Variants in ATXN10 observed in about 807,000 individuals in gnomAD.
ATXN10 encodes the protein ataxin 10, also known as ataxin-10.
A neutral mutation model predicts 52.9 loss-of-function variants in ATXN10; 28 were observed. The observed-to-expected ratio is 0.53, with a 90% confidence interval of 0.39 to 0.73. The LOEUF (loss-of-function observed/expected upper bound fraction) is 0.73, where lower values mean the gene tolerates loss of function less well. Ranked by LOEUF, ATXN10 falls within the 30% of genes least tolerant of loss-of-function variation. The pLI is 0.00. For synonymous variants in ATXN10, 226 were observed against 221.5 expected (o/e 1.02, Z -0.18); for missense variants, 565 against 577.0 (o/e 0.98, Z 0.21).
chr22:45,834,416 G>A (rs564410661), intron 10 of ATXN10, among the ~76,000 whole-genome samples: 1 of 152,170 alleles, frequency 6.6e-6, no homozygotes, highest in African/African-American at 2.4e-5. Context: ...CACCATCTGG[G>A]CAGTGAAGCT....
In ATXN10 at chr22:45,789,422, G is replaced by A. The variant is rs1327484861; in HGVS notation, c.1174-17537G>A. Among the ~76,000 whole-genome samples the A allele has an allele frequency of 6.6e-6, 1 of 152,090 alleles. No individual in the cohort carries two copies. Among genetic ancestry groups the A allele is most frequent in the Non-Finnish European group, 1.5e-5 (1 of 68,024 alleles). On this transcript the variant is annotated intron_variant, in intron 9 of 11. Coordinates refer to ENST00000252934, the MANE Select transcript of ATXN10 (RefSeq NM_013236.4). The surrounding 1 kb of genome is among the most constrained non-coding windows in gnomAD (Gnocchi z 4.0). ...TCTCGGGACCGGGCAAGGGATGCAA[G>A]GATGAGTGGAAACATGGCTCTTGTC...
chr22:45,698,288 C>T (rs1236155405), intron 3 of ATXN10, among the ~76,000 whole-genome samples: 1 of 152,176 alleles, frequency 6.6e-6, no homozygotes, highest in African/African-American at 2.4e-5. Context: ...TTTCTTGCAT[C>T]CTTGCTGACT....
Position 45,843,275 on chromosome 22 carries a change from G to A in ATXN10, c.1425+97G>A. 2 of 1,338,824 alleles carry A rather than the reference G, an allele frequency of 1.5e-6. No homozygotes were observed. The highest frequency in any genetic ancestry group is 2.1e-6 in the Non-Finnish European group (2 of 941,926). The allele number at this position is 1,338,824 out of a possible 1,614,324, so 82.9% of individuals were successfully genotyped here. On this transcript the variant is annotated intron_variant, in intron 11 of 11. Transcript: ENST00000252934. The surrounding 1 kb of genome is among the most constrained non-coding windows in gnomAD (Gnocchi z 4.5). ...AGCACGAGGCTCTTTGTAAGAATAT[G>A]GATGGGAGAATTGTGCCCTCTATAG... is the stretch of plus-strand genomic sequence containing the variant.
chr22:45,672,333 G>C, intron 1 of ATXN10, 154 bp downstream of exon 1: 1 of 834,006 alleles, frequency 1.2e-6, no homozygotes. Flanking sequence ...CAGGCCTCCC[G>C]ACTCCCAGGC....
rs187961181 is a variant in ATXN10 at position 45,789,362 on chromosome 22, G to T, written c.1174-17597G>T. Among the ~76,000 whole-genome samples the T allele has an allele frequency of 2.3e-3, 354 of 152,254 alleles. 3 individuals carry two copies. Among genetic ancestry groups the T allele is most frequent in the African/African-American group, 8.2e-3 (342 of 41,558 alleles). ...GAAGGTGAGCTTTTGCTTCTCACGC[G>T]CATATATTTTTTTTCCGCAAATCAT... On this transcript the variant is annotated intron_variant, in intron 9 of 11. Transcript: ENST00000252934. This position sits in a 1 kb window ranked among gnomAD's most constrained non-coding sequence, Gnocchi z 4.0.
At chr22:45,686,999 C>T (rs1257293580) in intron 1 of ATXN10, among the ~76,000 whole-genome samples, 1 of 152,044 alleles carries the variant, frequency 6.6e-6, no homozygotes, top group Non-Finnish European at 1.5e-5. Flanking sequence ...ATCACAGCTC[C>T]ACATTATTTT....
intron 9 of ATXN10, among the ~76,000 whole-genome samples, chr22:45,761,249 T>G (rs1432887420): frequency 2.6e-5 from 4 of 152,148 alleles, no homozygotes; most frequent in African/African-American, 9.7e-5. Context: ...GCCTCCCAAG[T>G]AGCTGGGACT....
Position 45,843,786 on chromosome 22 carries a change from A to C in ATXN10, c.*115A>C. On this transcript the variant is annotated 3_prime_UTR_variant, in exon 12 of 12. Coordinates refer to ENST00000252934, the MANE Select transcript of ATXN10 (RefSeq NM_013236.4). The surrounding 1 kb of genome is among the most constrained non-coding windows in gnomAD (Gnocchi z 4.5). Reference sequence around the variant, plus strand: ...TTTATAAGTACAAATTTGGGAACATACAAATCTTTTAGGTAGTAGAGTTTA... The same window carrying C: ...TTTATAAGTACAAATTTGGGAACATCCAAATCTTTTAGGTAGTAGAGTTTA... The C allele has an allele frequency of 9.5e-7, 1 of 1,052,604 alleles. No individual in the cohort carries two copies. The highest frequency in any genetic ancestry group is 1.4e-6 in the Non-Finnish European group (1 of 694,486). The allele number at this position is 1,052,604 out of a possible 1,614,324, so 65.2% of individuals were successfully genotyped here.
At chr22:45,738,892 A>C in intron 8 of ATXN10, 53 bp downstream of exon 8, 1 of 1,397,386 alleles carries the variant, frequency 7.2e-7, no homozygotes, top group Non-Finnish European at 1.0e-6. Flanking sequence ...TTGGCTTGTC[A>C]TACTGTAATA....
intron 9 of ATXN10, among the ~76,000 whole-genome samples, chr22:45,782,071 T>G (rs1927167204): frequency 6.6e-6 from 1 of 152,048 alleles, no homozygotes; most frequent in East Asian, 1.9e-4. Flanking sequence ...GGGTCAAGAG[T>G]GGATCGAGTT....
Position 45,844,135 on chromosome 22 carries a change from A to C in ATXN10, c.*464A>C. On this transcript the variant is annotated 3_prime_UTR_variant, in exon 12 of 12. Transcript: ENST00000252934. ...TGATTAATTCTAGCAATCTCTTTTC[A>C]CCCCTCTGCCTTTCCAAAACATTGA... The C allele has an allele frequency of 5.8e-6, 1 of 171,946 alleles. No individual in the cohort carries two copies. The highest frequency in any genetic ancestry group is 1.3e-5 in the Non-Finnish European group (1 of 79,946). 10.7% of individuals were successfully genotyped at this position (171,946 alleles called of 1,614,324 possible). A position where few individuals can be genotyped will look rare whatever the true frequency, so the allele number is the denominator to read the frequency against.
intron 3 of ATXN10, among the ~76,000 whole-genome samples, chr22:45,699,760 C>G (rs946119446): frequency 4.0e-5 from 6 of 151,584 alleles, no homozygotes; most frequent in African/African-American, 1.5e-4. Context: ...TCCCAGAGTG[C>G]TGGGATTACG....
chr22:45,767,225 T>C (rs1926613118), intron 9 of ATXN10, among the ~76,000 whole-genome samples: 1 of 152,280 alleles, frequency 6.6e-6, no homozygotes, highest in African/African-American at 2.4e-5. Flanking sequence ...TTCTGGTATG[T>C]CCATGTAATG....
intron 7 of ATXN10, among the ~76,000 whole-genome samples, chr22:45,731,462 A>G (rs1280868554): frequency 6.6e-6 from 1 of 152,208 alleles, no homozygotes; most frequent in African/African-American, 2.4e-5. Context: ...CATTGCATGT[A>G]TATTATACCT....
At chr22:45,755,076 G>A (rs897056036) in intron 9 of ATXN10, among the ~76,000 whole-genome samples, 1 of 152,234 alleles carries the variant, frequency 6.6e-6, no homozygotes, top group Non-Finnish European at 1.5e-5. Context: ...AGTACCACCT[G>A]TGGCCCTGTG....
At chr22:45,746,751 C>G (rs1188976526) in intron 9 of ATXN10, among the ~76,000 whole-genome samples, 1 of 152,152 alleles carries the variant, frequency 6.6e-6, no homozygotes. Flanking sequence ...AACACTTTCT[C>G]TTCTACGCTC....
intron 9 of ATXN10, among the ~76,000 whole-genome samples, chr22:45,771,750 T>C (rs959904594): frequency 6.6e-6 from 1 of 152,120 alleles, no homozygotes; most frequent in African/African-American, 2.4e-5. Context: ...TCCAGTCTTT[T>C]CCTTATTTTG....
chr22:45,807,128 G>T, intron 10 of ATXN10, 106 bp downstream of exon 10: 1 of 900,584 alleles, frequency 1.1e-6, no homozygotes, highest in Non-Finnish European at 1.9e-6. Flanking sequence ...TGCCTTGCTT[G>T]CTTGTTTACT....
intron 6 of ATXN10, among the ~76,000 whole-genome samples, chr22:45,722,648 G>A (rs1444763676): frequency 6.6e-6 from 1 of 152,088 alleles, no homozygotes; most frequent in East Asian, 1.9e-4. Flanking sequence ...CATTGTGTAA[G>A]GAAGGCAGTG....
Sources: allele counts gnomAD v4.1 joint callset (sites outside exome capture counted in the v4.1 genomes callset), GRCh38; gene constraint gnomAD v4.1.1; non-coding constraint Gnocchi (gnomAD v3.1); transcripts MANE v1.5; gene names NCBI Gene and HGNC (gene_info 2026-07-23, HGNC 2026-07-21).